Variants in LAMA2 observed in about 807,000 individuals in gnomAD.
LAMA2 encodes the protein laminin subunit alpha 2, also known as laminin subunit alpha-2.
In LAMA2, 269 loss-of-function variants were observed where a neutral mutation model predicts 364.8. That is an observed-to-expected ratio of 0.74 (90% CI 0.67 to 0.82). LAMA2 has a LOEUF of 0.82. Ranked by LOEUF, LAMA2 falls within the 40% of genes least tolerant of loss-of-function variation. The pLI is 0.00. For synonymous variants in LAMA2, 1,379 were observed against 1,370.6 expected (o/e 1.01, Z -0.14); for missense variants, 3,807 against 3,873.2 (o/e 0.98, Z 0.45).
At chr6:129,472,723 A>G (rs887834924) in intron 51 of LAMA2, among the ~76,000 whole-genome samples, 1 of 151,948 alleles carries the variant, frequency 6.6e-6, no homozygotes, top group African/African-American at 2.4e-5. Flanking sequence ...TTCCACTTCC[A>G]TGTACAATCA....
intron 9 of LAMA2, among the ~76,000 whole-genome samples, chr6:129,172,136 C>G (rs1428746071): frequency 1.3e-5 from 2 of 151,536 alleles, no homozygotes; most frequent in East Asian, 1.9e-4. Context: ...TCCCGTAGCT[C>G]AGAGTAATTT....
In LAMA2 at chr6:129,219,097, A is replaced by G. The variant is rs187012473; in HGVS notation, c.1782+26244A>G. ...AATACATGGGTCAAAAAGACACTCT[A>G]AAATAGCAGTCTCCAAGAACCCAGG... is the stretch of plus-strand genomic sequence containing the variant. On this transcript the variant is annotated intron_variant, in intron 12 of 64. Coordinates refer to ENST00000421865, the MANE Select transcript of LAMA2 (RefSeq NM_000426.4). Among the ~76,000 whole-genome samples the G allele has an allele frequency of 1.0e-3, 157 of 152,300 alleles. 2 individuals are homozygous for G. The highest frequency in any genetic ancestry group is 9.3e-3 in the Admixed American group (142 of 15,292).
chr6:128,902,484 A>C (rs1242689909), intron 1 of LAMA2, among the ~76,000 whole-genome samples: 2 of 152,228 alleles, frequency 1.3e-5, no homozygotes, highest in Non-Finnish European at 2.9e-5. Flanking sequence ...AAAATGAGAA[A>C]AAATCAAATA....
At chr6:129,213,072 C>T (rs926420761) in intron 12 of LAMA2, among the ~76,000 whole-genome samples, 12 of 152,218 alleles carry the variant, frequency 7.9e-5, no homozygotes, top group Admixed American at 2.0e-4. Context: ...TTTTCTTCTT[C>T]GCTGTCTCCA....
chr6:129,062,382 C>A lies in LAMA2; in HGVS notation c.396+2486C>A, dbSNP rs555341548. Among the ~76,000 whole-genome samples the A allele has an allele frequency of 2.0e-5, 3 of 152,222 alleles. No homozygotes were observed. In the East Asian group the frequency reaches 5.8e-4, roughly 29 times the overall value. ...CTGAATCCAGACCCAAATACACTATCTTTTCTAATGGGTATCTGAAGACAT... is the reference window on the plus strand; with the variant it reads ...CTGAATCCAGACCCAAATACACTATATTTTCTAATGGGTATCTGAAGACAT... On this transcript the variant is annotated intron_variant, in intron 3 of 64. Transcript: ENST00000421865.
At chr6:129,346,586 G>A (rs1424937034) in intron 30 of LAMA2, among the ~76,000 whole-genome samples, 1 of 150,756 alleles carries the variant, frequency 6.6e-6, no homozygotes, top group Non-Finnish European at 1.5e-5. Flanking sequence ...ACACAGAATT[G>A]TAAATTCTTT....
At chr6:129,388,672 T>TACACACAC (rs1489793369) in intron 35 of LAMA2, among the ~76,000 whole-genome samples, 9 of 152,160 alleles carry the variant, frequency 5.9e-5, no homozygotes, top group African/African-American at 2.2e-4. Context: ...AGCTGATTTA[T>TACACACAC]ACACGCACAC....
intron 1 of LAMA2, among the ~76,000 whole-genome samples, chr6:128,935,824 T>C (rs896539711): frequency 2.6e-5 from 4 of 152,216 alleles, no homozygotes; most frequent in African/African-American, 9.6e-5. Context: ...CATAGTACTA[T>C]GTTGATTGGG....
At chr6:129,388,424 A>G (rs868292237) in intron 35 of LAMA2, among the ~76,000 whole-genome samples, 5 of 152,156 alleles carry the variant, frequency 3.3e-5, no homozygotes, top group Admixed American at 1.3e-4. Context: ...CTTGTTTACA[A>G]ATGGTTTTAA....
chr6:129,504,381 T>C (rs2114896613), intron 60 of LAMA2, among the ~76,000 whole-genome samples: 1 of 152,332 alleles, frequency 6.6e-6, no homozygotes, highest in East Asian at 1.9e-4. Flanking sequence ...CTATAATTAG[T>C]CAAATTAATA....
At chr6:129,330,606 T>G (rs1275020207) in intron 29 of LAMA2, among the ~76,000 whole-genome samples, 1 of 148,972 alleles carries the variant, frequency 6.7e-6, no homozygotes, top group African/African-American at 2.5e-5. Context: ...TTGTTTTTTT[T>G]TTTTTTTTTC....
chr6:129,285,609 A>G (rs1260572218), intron 18 of LAMA2, among the ~76,000 whole-genome samples: 2 of 152,150 alleles, frequency 1.3e-5, no homozygotes, highest in Non-Finnish European at 2.9e-5. Context: ...ATCATTGTAT[A>G]TCCTTATTCC....
intron 4 of LAMA2, among the ~76,000 whole-genome samples, chr6:129,129,879 C>T (rs1239383560): frequency 6.8e-6 from 1 of 147,760 alleles, no homozygotes; most frequent in African/African-American, 2.5e-5. Context: ...AGCCGAGATC[C>T]CGCCACTGCA....
chr6:129,503,588 G>A (rs1368212145), intron 60 of LAMA2, among the ~76,000 whole-genome samples: 1 of 152,190 alleles, frequency 6.6e-6, no homozygotes, highest in South Asian at 2.1e-4. Context: ...AGTGAGAAAC[G>A]TAGAACAGAG....
intron 10 of LAMA2, among the ~76,000 whole-genome samples, chr6:129,183,766 A>G (rs1781068449): frequency 1.3e-5 from 2 of 151,444 alleles, no homozygotes; most frequent in Middle Eastern, 3.4e-3. Flanking sequence ...CACTTTTCAA[A>G]CCTTTTTCTT....
intron 4 of LAMA2, among the ~76,000 whole-genome samples, chr6:129,100,992 T>C (rs1775488061): frequency 6.6e-6 from 1 of 152,224 alleles, no homozygotes; most frequent in African/African-American, 2.4e-5. Flanking sequence ...ACAAAGTAGC[T>C]GTGGAATAAA....
rs543438395 is a variant in LAMA2, at chr6:129,409,318, T to G, written c.5865+5359T>G. 7.2e-4 allele frequency among the ~76,000 whole-genome samples: 110 copies of G among 152,302 alleles called. 1 individual carries two copies. The highest frequency in any genetic ancestry group is 2.6e-3 in the African/African-American group (109 of 41,550). ...TCAACTGATCATGGGGAACTCCCTG[T>G]GAGGCCATCAGTGCAGGCTTGGGGA... On this transcript the variant is annotated intron_variant, in intron 40 of 64. Transcript: ENST00000421865.
At chr6:129,066,558 C>T (rs565358696) in intron 3 of LAMA2, among the ~76,000 whole-genome samples, 101 of 152,202 alleles carry the variant, frequency 6.6e-4, no homozygotes, top group Non-Finnish European at 1.2e-3. Flanking sequence ...ATTCCAATGA[C>T]GTTTTTCACA....
intron 19 of LAMA2, among the ~76,000 whole-genome samples, chr6:129,288,782 A>T (rs999271944): frequency 5.9e-5 from 9 of 152,176 alleles, no homozygotes; most frequent in African/African-American, 2.2e-4. Flanking sequence ...ATGAAGGCGG[A>T]TCTTGTTGCA....
Sources: gnomAD v4.1 joint callset for allele counts (sites outside exome capture counted in the v4.1 genomes callset) on GRCh38, gnomAD v4.1.1 for gene constraint, MANE v1.5 for transcripts, NCBI Gene and HGNC (gene_info 2026-07-23, HGNC 2026-07-21) for gene names.